The following ARHGEF7 variants were observed in gnomAD, a reference collection of about 807,000 sequenced individuals.
ARHGEF7 encodes Rho guanine nucleotide exchange factor 7.
ARHGEF7 carries 33 observed loss-of-function variants against 109.8 expected under a neutral mutation model. The ratio of observed to expected loss-of-function variants is 0.30; its 90% CI spans 0.23 to 0.40. The LOEUF (loss-of-function observed/expected upper bound fraction) is 0.40, where lower values mean the gene tolerates loss of function less well. Ranked by LOEUF, ARHGEF7 falls within the 10% of genes least tolerant of loss-of-function variation. The pLI, the probability that ARHGEF7 is intolerant of heterozygous loss-of-function variation, is 1.00. For synonymous variants in ARHGEF7, 458 were observed against 424.6 expected, an observed-to-expected ratio of 1.08 and a Z score of -0.97; for missense variants, 938 against 1,098.5, an observed-to-expected ratio of 0.85 and a Z score of 2.07.
intron 1 of ARHGEF7, among the ~76,000 whole-genome samples, chr13:111,136,578 G>C (rs1322318513): frequency 6.6e-6 from 1 of 152,190 alleles, no homozygotes; most frequent in Non-Finnish European, 1.5e-5. Flanking sequence ...CAGAATCTCT[G>C]GGACACATTT....
chr13:111,295,069 T>G (rs2093396967), intron 19 of ARHGEF7: 1 of 985,248 alleles, frequency 1.0e-6, no homozygotes, highest in Non-Finnish European at 1.2e-6. Flanking sequence ...GATGTATATC[T>G]GAATGTTGCA....
At chr13:111,242,258 T>G (rs371811784) in intron 6 of ARHGEF7, among the ~76,000 whole-genome samples, 2 of 152,190 alleles carry the variant, frequency 1.3e-5, no homozygotes, top group East Asian at 3.9e-4. Flanking sequence ...TTTAATCAGA[T>G]TTGCATTTAC....
At chr13:111,179,018 G>T (rs2078454176) in intron 2 of ARHGEF7, among the ~76,000 whole-genome samples, 1 of 151,538 alleles carries the variant, frequency 6.6e-6, no homozygotes, top group South Asian at 2.1e-4. Flanking sequence ...GGAGACTAGA[G>T]TTCGGTGAAC....
chr13:111,258,769 G>T lies in ARHGEF7; in HGVS notation c.951-8779G>T, dbSNP rs1447415803. 6.6e-6 allele frequency among the ~76,000 whole-genome samples: 1 copy of T among 152,154 alleles called. No homozygotes were observed. Among genetic ancestry groups the T allele is most frequent in the Non-Finnish European group, 1.5e-5 (1 of 68,030 alleles). ...CACAGTGAGGTGGAACATCAAGTGG[G>T]CTCTTGGGAGTCCCCAGTTTCAGGC... On this transcript the variant is annotated intron_variant, in intron 8 of 21. Coordinates refer to ENST00000646102, the MANE Select transcript of ARHGEF7 (RefSeq NM_001354046.2). This position sits in a 1 kb window ranked among gnomAD's most constrained non-coding sequence, Gnocchi z 4.4.
At chr13:111,208,181 C>T (rs937707094) in intron 3 of ARHGEF7, among the ~76,000 whole-genome samples, 1 of 152,210 alleles carries the variant, frequency 6.6e-6, no homozygotes, top group Non-Finnish European at 1.5e-5. Flanking sequence ...GCTGGGATTA[C>T]AGACACGTGG....
At chr13:111,248,612 G>C (rs972082494) in intron 8 of ARHGEF7, among the ~76,000 whole-genome samples, 2 of 152,106 alleles carry the variant, frequency 1.3e-5, no homozygotes, top group East Asian at 1.9e-4. Context: ...AGTGTTCACT[G>C]TCTGCCTCTC....
chr13:111,149,413 T>C (rs988550997), intron 1 of ARHGEF7, among the ~76,000 whole-genome samples: 6 of 152,266 alleles, frequency 3.9e-5, no homozygotes, highest in Non-Finnish European at 8.8e-5. Flanking sequence ...TAGATTCTTA[T>C]GGCTTAATAC....
rs1595594763 is a variant in ARHGEF7 at position 111,293,163 on chromosome 13, C to T, written c.2311+869C>T. 3 of 985,328 alleles carry T rather than the reference C, an allele frequency of 3.0e-6. No individual in the cohort carries two copies. In the East Asian group the frequency reaches 3.4e-4, roughly 112 times the overall value. The allele number at this position is 985,328 out of a possible 1,614,324, so 61.0% of individuals were successfully genotyped here. On this transcript the variant is annotated intron_variant, in intron 19 of 21. Transcript: ENST00000646102. The stretch of plus-strand genomic sequence containing the variant: ...TTTAAAGCCCGAAAGCTGAAGCATT[C>T]AGCCTCTGCAAGTGTAGACTACTGG...
intron 8 of ARHGEF7, among the ~76,000 whole-genome samples, chr13:111,264,596 C>T (rs1019136501): frequency 1.3e-5 from 2 of 152,270 alleles, no homozygotes; most frequent in East Asian, 3.9e-4. Context: ...TGTTGTGCTT[C>T]TGTGAGCCCC....
At chr13:111,216,214 A>C (rs529291830) in intron 4 of ARHGEF7, among the ~76,000 whole-genome samples, 3 of 152,234 alleles carry the variant, frequency 2.0e-5, no homozygotes, top group African/African-American at 7.2e-5. Context: ...AGCTTCTGAG[A>C]CTGATACCAG....
chr13:111,221,299 G>A (rs144992888), intron 5 of ARHGEF7, among the ~76,000 whole-genome samples: 3 of 31,090 alleles, frequency 9.6e-5, no homozygotes, highest in African/African-American at 4.2e-4. Context: ...AGATATATAT[G>A]TCTATATATA....
At chr13:111,153,248 C>G in intron 1 of ARHGEF7, among the ~76,000 whole-genome samples, 1 of 152,248 alleles carries the variant, frequency 6.6e-6, no homozygotes, top group South Asian at 2.1e-4. Context: ...CGCCCGAGTT[C>G]TCTGGGGCCC....
At chr13:111,185,601 T>TA (rs2079165433) in intron 2 of ARHGEF7, among the ~76,000 whole-genome samples, 2 of 152,246 alleles carry the variant, frequency 1.3e-5, no homozygotes, top group South Asian at 4.1e-4. Context: ...CTGCTTCACT[T>TA]ACTGTTAGCC....
chr13:111,135,029 T>A (rs1464343413), intron 1 of ARHGEF7, among the ~76,000 whole-genome samples: 1 of 152,250 alleles, frequency 6.6e-6, no homozygotes, highest in Non-Finnish European at 1.5e-5. Context: ...GCTAGCCAGT[T>A]TTCCCAGCAC....
chr13:111,279,874 G>C (rs2092691787), intron 13 of ARHGEF7, among the ~76,000 whole-genome samples: 1 of 152,142 alleles, frequency 6.6e-6, no homozygotes, highest in Non-Finnish European at 1.5e-5. Context: ...AACTTCCTCT[G>C]CATTTCTTTA....
intron 2 of ARHGEF7, among the ~76,000 whole-genome samples, chr13:111,179,992 C>T (rs2153428222): frequency 6.6e-6 from 1 of 152,256 alleles, no homozygotes; most frequent in Non-Finnish European, 1.5e-5. Context: ...TGTGCTTAAT[C>T]CATGGATGAT....
intron 1 of ARHGEF7, chr13:111,116,548 G>GT (rs769408570): frequency 6.7e-6 from 1 of 149,338 alleles, no homozygotes; most frequent in Non-Finnish European, 1.5e-5. Flanking sequence ...TTATTCCCAG[G>GT]GTGTTTCTTC....
At chr13:111,300,639 A>G (rs1351775531) in intron 19 of ARHGEF7, 109 bp from the exon 20 acceptor site, 1 of 737,220 alleles carries the variant, frequency 1.4e-6, no homozygotes. Context: ...TTTTAAATGC[A>G]TAATTGCTAG....
intron 2 of ARHGEF7, among the ~76,000 whole-genome samples, chr13:111,189,541 A>C (rs1256766266): frequency 2.0e-5 from 3 of 152,172 alleles, no homozygotes; most frequent in African/African-American, 4.8e-5. Context: ...ACAGCTTATA[A>C]AGGTAGTGAG....
Sources: gnomAD v4.1 joint callset for allele counts (sites outside exome capture counted in the v4.1 genomes callset) on GRCh38, gnomAD v4.1.1 for gene constraint, Gnocchi (gnomAD v3.1) non-coding constraint, MANE v1.5 for transcripts, NCBI Gene and HGNC (gene_info 2026-07-23, HGNC 2026-07-21) for gene names.